The following MGMT variants were observed in gnomAD, a reference collection of about 807,000 sequenced individuals.
MGMT encodes the protein O-6-methylguanine-DNA methyltransferase, also known as methylated-DNA--protein-cysteine methyltransferase.
MGMT carries 14 observed loss-of-function variants against 15.9 expected under a neutral mutation model. The observed-to-expected ratio is 0.88, with a 90% confidence interval of 0.58 to 1.37. The LOEUF (loss-of-function observed/expected upper bound fraction) is 1.37, where lower values mean the gene tolerates loss of function less well. MGMT is among the 40% of genes most tolerant of loss of function. The pLI is 0.00. For synonymous variants in MGMT, 130 were observed against 118.2 expected (o/e 1.10, Z -0.65); for missense variants, 282 against 268.1 (o/e 1.05, Z -0.36).
At chr10:129,717,089 G>A (rs1848308199) in intron 3 of MGMT, among the ~76,000 whole-genome samples, 1 of 152,188 alleles carries the variant, frequency 6.6e-6, no homozygotes, top group Non-Finnish European at 1.5e-5. Context: ...TTTTCAATGA[G>A]CAGGTAATCT....
At chr10:129,709,639 CAT>C (rs557811945) in intron 3 of MGMT, among the ~76,000 whole-genome samples, 21 of 152,138 alleles carry the variant, frequency 1.4e-4, no homozygotes, top group South Asian at 8.3e-4. Flanking sequence ...TCTGCATAAT[CAT>C]ATGGAGGCTG....
chr10:129,543,608 A>G (rs1386774882), intron 2 of MGMT, among the ~76,000 whole-genome samples: 1 of 152,194 alleles, frequency 6.6e-6, no homozygotes, highest in Non-Finnish European at 1.5e-5. Flanking sequence ...GGGGCAGAGT[A>G]GACAGTGGTG....
intron 3 of MGMT, among the ~76,000 whole-genome samples, chr10:129,751,974 T>C (rs1483729744): frequency 5.3e-5 from 8 of 152,024 alleles, no homozygotes; most frequent in Admixed American, 5.2e-4. Context: ...AGAGTATAGA[T>C]TCTACTGTTA....
At chr10:129,671,794 A>G (rs1847727211) in intron 2 of MGMT, among the ~76,000 whole-genome samples, 1 of 152,216 alleles carries the variant, frequency 6.6e-6, no homozygotes, top group Non-Finnish European at 1.5e-5. Flanking sequence ...CTGACATAAC[A>G]TCTTCATCAC....
chr10:129,619,991 A>C (rs1168098532), intron 2 of MGMT, among the ~76,000 whole-genome samples: 1 of 152,180 alleles, frequency 6.6e-6, no homozygotes, highest in Non-Finnish European at 1.5e-5. Flanking sequence ...CCACTGAAGA[A>C]AAGCAGATAG....
At chr10:129,716,275 C>T (rs781483207) in intron 3 of MGMT, among the ~76,000 whole-genome samples, 7 of 152,310 alleles carry the variant, frequency 4.6e-5, no homozygotes, top group East Asian at 1.9e-4. Flanking sequence ...CTGGCGAGCC[C>T]ACCCTCTCCG....
At chr10:129,605,691 T>G (rs1002883395) in intron 2 of MGMT, among the ~76,000 whole-genome samples, 2 of 152,230 alleles carry the variant, frequency 1.3e-5, no homozygotes, top group Non-Finnish European at 2.9e-5. Context: ...GATAAGTTCA[T>G]TTTTATTAAA....
chr10:129,707,595 T>C (rs1848179478), intron 2 of MGMT, among the ~76,000 whole-genome samples: 1 of 152,174 alleles, frequency 6.6e-6, no homozygotes, highest in African/African-American at 2.4e-5. Context: ...CTTGATGATT[T>C]AGGTGCAGCC....
At chr10:129,741,813 T>C (rs1848636501) in intron 3 of MGMT, among the ~76,000 whole-genome samples, 1 of 151,974 alleles carries the variant, frequency 6.6e-6, no homozygotes, top group Non-Finnish European at 1.5e-5. Context: ...CTGGGCTGGC[T>C]CCAGACAGAG....
intron 2 of MGMT, among the ~76,000 whole-genome samples, chr10:129,564,528 TTTTC>T (rs1398813188): frequency 2.5e-5 from 2 of 79,860 alleles, no homozygotes; most frequent in Non-Finnish European, 5.0e-5. Context: ...CACTTCCTCA[TTTTC>T]CTCCTCCACT....
intron 1 of MGMT, among the ~76,000 whole-genome samples, chr10:129,499,325 C>T (rs1845553009): frequency 6.6e-6 from 1 of 152,210 alleles, no homozygotes; most frequent in Non-Finnish European, 1.5e-5. Flanking sequence ...TGTTTCATTA[C>T]TTATTTCGTT....
At chr10:129,704,866 A>G (rs1282694804) in intron 2 of MGMT, among the ~76,000 whole-genome samples, 1 of 152,130 alleles carries the variant, frequency 6.6e-6, no homozygotes, top group African/African-American at 2.4e-5. Flanking sequence ...CCAGCACAGG[A>G]CAGCGTGTGA....
intron 2 of MGMT, among the ~76,000 whole-genome samples, chr10:129,636,562 G>A (rs35890176): frequency 0.079 from 11,986 of 152,176 alleles, 532 homozygotes; most frequent in African/African-American, 0.097. Flanking sequence ...CTTTAATACA[G>A]TTTTGAATAG....
At chr10:129,699,488 C>T (rs528652233) in intron 2 of MGMT, among the ~76,000 whole-genome samples, 4 of 152,176 alleles carry the variant, frequency 2.6e-5, no homozygotes, top group East Asian at 1.9e-4. Context: ...AAGATACCTA[C>T]GACCACCCAG....
At chr10:129,550,399 C>G (rs1037202819) in intron 2 of MGMT, among the ~76,000 whole-genome samples, 1 of 151,670 alleles carries the variant, frequency 6.6e-6, no homozygotes, top group Non-Finnish European at 1.5e-5. Context: ...TCACAGTGTT[C>G]CGCAGCCATC....
rs577914964 is a variant in MGMT at position 129,612,768 on chromosome 10, C to T, written c.125+76391C>T. On this transcript the variant is annotated intron_variant, in intron 2 of 4. Coordinates refer to ENST00000651593, the MANE Select transcript of MGMT (RefSeq NM_002412.5). ...TCCAGAGAAAAACGAAACATGTCAT[C>T]TTGTTAAGGGAGGTCTTCGTTTCGG... 9.3e-4 allele frequency among the ~76,000 whole-genome samples: 142 copies of T among 152,310 alleles called. 1 individual carries two copies. The South Asian group carries it at 0.028, about 30-fold the overall frequency.
At chr10:129,722,873 G>T (rs767120644) in intron 3 of MGMT, among the ~76,000 whole-genome samples, 28 of 151,980 alleles carry the variant, frequency 1.8e-4, no homozygotes, top group Non-Finnish European at 3.2e-4. Flanking sequence ...AAGCATGGTG[G>T]TGCACACCTG....
At chr10:129,727,339 A>G (rs1428020380) in intron 3 of MGMT, among the ~76,000 whole-genome samples, 1 of 152,194 alleles carries the variant, frequency 6.6e-6, no homozygotes, top group Non-Finnish European at 1.5e-5. Flanking sequence ...GGAGAGGCCC[A>G]TGTGGTGAGG....
At chr10:129,678,012 T>C (rs1589931247) in intron 2 of MGMT, among the ~76,000 whole-genome samples, 1 of 152,168 alleles carries the variant, frequency 6.6e-6, no homozygotes, top group Non-Finnish European at 1.5e-5. Flanking sequence ...AGATTGTGAA[T>C]GCCGAGTCCA....
Sources: gnomAD v4.1 joint callset for allele counts (sites outside exome capture counted in the v4.1 genomes callset) on GRCh38, gnomAD v4.1.1 for gene constraint, MANE v1.5 for transcripts, NCBI Gene and HGNC (gene_info 2026-07-23, HGNC 2026-07-21) for gene names.